SH3YL1: variants seen among roughly 807,000 people sequenced by gnomAD.
SH3YL1 encodes the protein SH3 and SYLF domain containing 1.
SH3YL1 carries 41 observed loss-of-function variants against 45.8 expected under a neutral mutation model. That is an observed-to-expected ratio of 0.89 (90% CI 0.70 to 1.16). The LOEUF is 1.16. Among genes scored for constraint, SH3YL1 ranks in the 50% most tolerant of loss-of-function variants. The pLI, the probability that SH3YL1 is intolerant of heterozygous loss-of-function variation, is 0.00. For missense variants in SH3YL1, 389 were observed against 409.6 expected (o/e 0.95, Z 0.43); for synonymous variants, 152 against 151.4 (o/e 1.00, Z -0.03).
intron 4 of SH3YL1, chr2:243,014 C>T (rs1366654408): frequency 3.8e-6 from 2 of 530,214 alleles, no homozygotes; most frequent in African/African-American, 2.0e-5. Flanking sequence ...TATCGGAGAC[C>T]CAAATACATG....
At chr2:225,986 G>C (rs1034766954) in intron 8 of SH3YL1, among the ~76,000 whole-genome samples, 1 of 152,130 alleles carries the variant, frequency 6.6e-6, no homozygotes, top group Admixed American at 6.5e-5. Context: ...ATGGATACAA[G>C]TACATCATAC....
rs1668994927 is a variant in SH3YL1, at chr2:249,771, T to C, written c.186A>G (p.Arg62=). Residue 62 remains arginine, a synonymous_variant, in exon 3 of 10, where the codon AGA becomes AGG. Transcript: ENST00000356150. The stretch of plus-strand genomic sequence containing the variant: ...GCGCCACTACAATCCCGCTGCCTCC[T>C]CTGGCAGTCACCAGGAACCCGGCTT... ...VIKAGFLVTA[R]GGSGIVVARL... 1 of 1,551,938 alleles carries C rather than the reference T, an allele frequency of 6.4e-7. No homozygotes were observed. Among genetic ancestry groups the C allele is most frequent in the East Asian group, 2.4e-5 (1 of 40,930 alleles).
At chr2:255,589 C>A (rs1431914238) in intron 1 of SH3YL1, among the ~76,000 whole-genome samples, 1 of 152,122 alleles carries the variant, frequency 6.6e-6, no homozygotes, top group African/African-American at 2.4e-5. Flanking sequence ...AGGGCAAAGC[C>A]CTGCCTCAAA....
chr2:264,816 C>G, upstream of SH3YL1: 1 of 896,248 alleles, frequency 1.1e-6, no homozygotes, highest in Non-Finnish European at 1.6e-6. Context: ...GCACTGGAGC[C>G]GATTGCGCAG....
intron 2 of SH3YL1, among the ~76,000 whole-genome samples, chr2:252,409 A>G (rs1361003610): frequency 2.6e-5 from 4 of 152,170 alleles, no homozygotes; most frequent in Non-Finnish European, 1.5e-5. Flanking sequence ...GCTCAAGTGG[A>G]GCAGGAACAT....
At chr2:253,677 C>T (rs1669180707) in intron 1 of SH3YL1, among the ~76,000 whole-genome samples, 1 of 152,162 alleles carries the variant, frequency 6.6e-6, no homozygotes, top group East Asian at 1.9e-4. Context: ...TTGAGCAGCC[C>T]ATGCCACTAC....
chr2:230,856 T>C (rs918280871), intron 7 of SH3YL1, 167 bp downstream of exon 7: 2 of 651,510 alleles, frequency 3.1e-6, no homozygotes, highest in Non-Finnish European at 5.4e-6. Flanking sequence ...CCCTGAAATC[T>C]GTACAGAGGA....
At chr2:250,298 C>T (rs1210822502) in intron 2 of SH3YL1, among the ~76,000 whole-genome samples, 5 of 152,082 alleles carry the variant, frequency 3.3e-5, no homozygotes, top group East Asian at 3.9e-4. Context: ...CTTAAAGCCA[C>T]GTAGCTAAAT....
intron 4 of SH3YL1, among the ~76,000 whole-genome samples, chr2:234,530 T>C (rs1209696898): frequency 6.6e-6 from 1 of 152,230 alleles, no homozygotes; most frequent in Non-Finnish European, 1.5e-5. Context: ...CTGCATCATG[T>C]CCTTCAATCT....
At chr2:241,682 A>G (rs1412240056) in intron 4 of SH3YL1, 1 of 152,150 alleles carries the variant, frequency 6.6e-6, no homozygotes, top group African/African-American at 2.4e-5. Flanking sequence ...AGGAACCCCA[A>G]TTAGAATAAT....
chr2:263,932 A>C (rs1474087624), intron 1 of SH3YL1, 52 bp downstream of exon 1: 6 of 1,427,948 alleles, frequency 4.2e-6, no homozygotes, highest in Non-Finnish European at 5.8e-6. Flanking sequence ...ACCACCGCCC[A>C]GCTCTTGAGA....
intron 2 of SH3YL1, 28 bp from the exon 3 acceptor site, chr2:249,872 T>C (rs1294937007): frequency 6.8e-7 from 1 of 1,467,814 alleles, no homozygotes; most frequent in Non-Finnish European, 9.3e-7. Flanking sequence ...AATGGGAAGG[T>C]AAGCATTTTG....
intron 1 of SH3YL1, chr2:260,737 A>G (rs1669555910): frequency 6.6e-6 from 1 of 152,260 alleles, no homozygotes; most frequent in South Asian, 2.1e-4. Context: ...TTTCTGATAC[A>G]TGCAACTGAA....
intron 4 of SH3YL1, among the ~76,000 whole-genome samples, chr2:239,344 C>G (rs1668444798): frequency 6.6e-6 from 1 of 152,132 alleles, no homozygotes; most frequent in African/African-American, 2.4e-5. Context: ...TACTCCAATC[C>G]CTTTCTGTGT....
chr2:227,942 T>C (rs1338044868), intron 8 of SH3YL1, among the ~76,000 whole-genome samples: 1 of 152,166 alleles, frequency 6.6e-6, no homozygotes, highest in Non-Finnish European at 1.5e-5. Context: ...AAATACTTAG[T>C]TTTTAAATAA....
At chr2:243,704 G>A (rs566698705) in intron 4 of SH3YL1, 41 of 927,236 alleles carry the variant, frequency 4.4e-5, no homozygotes, top group African/African-American at 8.5e-5. Context: ...TTTCTTCCCC[G>A]GAAGAACATT....
At chr2:236,546 G>T (rs1213607770) in intron 4 of SH3YL1, among the ~76,000 whole-genome samples, 1 of 152,162 alleles carries the variant, frequency 6.6e-6, no homozygotes, top group South Asian at 2.1e-4. Flanking sequence ...TTTGCATGCT[G>T]TGCGACCTTG....
chr2:230,013 C>G lies in SH3YL1; in HGVS notation c.734G>C (p.Arg245Thr). ...GACTGGTGCAGATGACTGCTGTGGT[C>G]TTGACAATGGCTTTGGAGGTAATTC... The part of the protein sequence containing the change: ...AKELPPKPLS[R>T]PQQSSAPVQL... The change falls in exon 8 of 10, where the codon AGA (arginine) becomes ACA (threonine). Residue 245 changes from arginine (R) to threonine (T), a missense_variant. By Grantham distance (71) the Arg-to-Thr change is moderately conservative (BLOSUM62 -1). Transcript: ENST00000356150. 6.2e-7 allele frequency: 1 copy of G among 1,610,162 alleles called. No homozygotes were observed. Among genetic ancestry groups the G allele is most frequent in the Non-Finnish European group, 8.5e-7 (1 of 1,177,648 alleles).
chr2:264,372 G>T (rs60710866), upstream of SH3YL1: 455 of 230,310 alleles, frequency 2.0e-3, 1 homozygote, highest in African/African-American at 9.5e-3. Flanking sequence ...ATGCGAACTC[G>T]AACGACAGGC....
Sources: allele counts gnomAD v4.1 joint callset (sites outside exome capture counted in the v4.1 genomes callset), GRCh38; gene constraint gnomAD v4.1.1; transcripts MANE v1.5; gene names NCBI Gene and HGNC (gene_info 2026-07-23, HGNC 2026-07-21).